Variants in RAB11FIP4 observed in about 807,000 individuals in gnomAD.
RAB11FIP4 encodes the protein RAB11 family interacting protein 4, also known as rab11 family-interacting protein 4.
In RAB11FIP4, 23 loss-of-function variants were observed where a neutral mutation model predicts 74.3. The observed-to-expected ratio is 0.31, with a 90% CI of 0.22 to 0.44. The LOEUF is 0.44. RAB11FIP4 is among the 20% of genes least tolerant of loss of function. The pLI is 1.00. For synonymous variants in RAB11FIP4, 360 were observed against 359.9 expected, an observed-to-expected ratio of 1.00 and a Z score of 0.00; for missense variants, 630 against 863.9, an observed-to-expected ratio of 0.73 and a Z score of 3.39.
At chr17:31,463,240 C>T (rs2142719179) in intron 3 of RAB11FIP4, among the ~76,000 whole-genome samples, 1 of 152,314 alleles carries the variant, frequency 6.6e-6, no homozygotes, top group South Asian at 2.1e-4. Context: ...CCAGCCCTGG[C>T]ACTTGGCAGC....
intron 3 of RAB11FIP4, among the ~76,000 whole-genome samples, chr17:31,506,980 A>G (rs555807132): frequency 1.9e-4 from 29 of 152,294 alleles, no homozygotes; most frequent in African/African-American, 6.7e-4. Flanking sequence ...TGATTGTTCT[A>G]TTAATACTTA....
chr17:31,501,013 C>T (rs934263356), intron 3 of RAB11FIP4, among the ~76,000 whole-genome samples: 12 of 137,610 alleles, frequency 8.7e-5, no homozygotes, highest in Admixed American at 2.1e-4. Flanking sequence ...CAGAGTGAGA[C>T]TCCATCTCAA....
At chr17:31,517,126 C>G (rs2072566146) in intron 3 of RAB11FIP4, among the ~76,000 whole-genome samples, 1 of 147,096 alleles carries the variant, frequency 6.8e-6, no homozygotes, top group Non-Finnish European at 1.5e-5. Context: ...AGGAGGGGAC[C>G]AATCAGAGAT....
chr17:31,422,917 C>CTTTTTTT (rs35668224), intron 1 of RAB11FIP4, among the ~76,000 whole-genome samples: 1 of 126,444 alleles, frequency 7.9e-6, no homozygotes, highest in Non-Finnish European at 1.7e-5. Flanking sequence ...TATTGATTGC[C>CTTTTTTT]TTTTTTTTTT....
Position 31,519,361 on chromosome 17 carries a change from A to G in RAB11FIP4, c.563+1484A>G, listed in dbSNP as rs149223552. ...CCATCTACTCTGCTATATTTTCTAT[A>G]TTGAGCATGTACTCCCATAATCAGA... is the stretch of plus-strand genomic sequence containing the variant. On this transcript the variant is annotated intron_variant, in intron 4 of 14. Transcript: ENST00000621161. Among the ~76,000 whole-genome samples the G allele has an allele frequency of 4.6e-5, 7 of 152,274 alleles. No individual in the cohort carries two copies. In the East Asian group the frequency reaches 1.4e-3, roughly 29 times the overall value.
chr17:31,475,798 G>GTT (rs1323409888), intron 3 of RAB11FIP4, among the ~76,000 whole-genome samples: 2,470 of 67,370 alleles, frequency 0.037, 60 homozygotes, highest in African/African-American at 0.14. Flanking sequence ...ATTTTTGTGT[G>GTT]GTTTTTTTTT....
chr17:31,452,614 C>T (rs1339347050), intron 3 of RAB11FIP4, among the ~76,000 whole-genome samples: 5 of 152,170 alleles, frequency 3.3e-5, no homozygotes, highest in Non-Finnish European at 5.9e-5. Flanking sequence ...GGTCCTGTGC[C>T]ATCTTTCCCC....
chr17:31,397,511 G>A (rs2070942177), intron 1 of RAB11FIP4, among the ~76,000 whole-genome samples: 2 of 152,234 alleles, frequency 1.3e-5, no homozygotes, highest in Admixed American at 1.3e-4. Context: ...ACCATGCAGA[G>A]TGACAAGGCT....
chr17:31,434,975 C>T (rs2071344596), intron 3 of RAB11FIP4, among the ~76,000 whole-genome samples: 1 of 152,010 alleles, frequency 6.6e-6, no homozygotes, highest in Non-Finnish European at 1.5e-5. Flanking sequence ...AGCTTGAGCC[C>T]AGGAGTTTGA....
Position 31,529,155 on chromosome 17 carries a change from T to C in RAB11FIP4, c.1653+377T>C, listed in dbSNP as rs147446088. 3.8e-4 allele frequency among the ~76,000 whole-genome samples: 57 copies of C among 151,656 alleles called. 1 individual carries two copies. Among genetic ancestry groups the C allele is most frequent in the African/African-American group, 1.1e-3 (44 of 41,288 alleles). On this transcript the variant is annotated intron_variant, in intron 13 of 14. Coordinates refer to ENST00000621161, the MANE Select transcript of RAB11FIP4 (RefSeq NM_032932.6). ...GCTCTGATACCCAGGCTGGAGTGCT[T>C]TGGCACTCCATAGCTCACTGCAGCC...
At chr17:31,495,958 T>G (rs757607581) in intron 3 of RAB11FIP4, among the ~76,000 whole-genome samples, 2 of 152,206 alleles carry the variant, frequency 1.3e-5, no homozygotes, top group Non-Finnish European at 2.9e-5. Context: ...TTCCTTTCCT[T>G]TTTTTCCATT....
chr17:31,522,291 C>G (rs2072682424), intron 6 of RAB11FIP4, 69 bp from the exon 7 acceptor site: 1 of 1,518,330 alleles, frequency 6.6e-7, no homozygotes, highest in Non-Finnish European at 9.1e-7. Context: ...TGGTGTCTTA[C>G]AGCTAGGACA....
chr17:31,459,746 T>A (rs1433751794), intron 3 of RAB11FIP4, among the ~76,000 whole-genome samples: 1 of 106,850 alleles, frequency 9.4e-6, no homozygotes, highest in Non-Finnish European at 2.0e-5. Flanking sequence ...TTCCAGCCCC[T>A]CCCCCCACCC....
intron 1 of RAB11FIP4, among the ~76,000 whole-genome samples, chr17:31,397,702 C>T (rs1468640410): frequency 6.6e-6 from 1 of 152,042 alleles, no homozygotes; most frequent in African/African-American, 2.4e-5. Context: ...GCTGGGGATC[C>T]CTTGGGGCCT....
chr17:31,393,329 C>G (rs902939481), intron 1 of RAB11FIP4, among the ~76,000 whole-genome samples: 1 of 152,220 alleles, frequency 6.6e-6, no homozygotes, highest in Non-Finnish European at 1.5e-5. Flanking sequence ...CCAGTGGCTC[C>G]CATCTGGGGC....
At chr17:31,429,728 C>T (rs1182477412) in intron 1 of RAB11FIP4, among the ~76,000 whole-genome samples, 1 of 149,404 alleles carries the variant, frequency 6.7e-6, no homozygotes, top group Non-Finnish European at 1.5e-5. Flanking sequence ...TCAGGAGAGG[C>T]TGAGGCAGGA....
chr17:31,410,802 A>G (rs1211904739), intron 1 of RAB11FIP4, among the ~76,000 whole-genome samples: 1 of 152,142 alleles, frequency 6.6e-6, no homozygotes, highest in African/African-American at 2.4e-5. Flanking sequence ...CTCCAAGACC[A>G]GGGCCCTGGT....
At chr17:31,479,317 A>C (rs1400762985) in intron 3 of RAB11FIP4, among the ~76,000 whole-genome samples, 8 of 152,214 alleles carry the variant, frequency 5.3e-5, no homozygotes, top group African/African-American at 1.7e-4. Context: ...TGACTTGAGA[A>C]GGTCTCTCAC....
intron 3 of RAB11FIP4, among the ~76,000 whole-genome samples, chr17:31,505,027 T>G (rs2072290681): frequency 6.6e-6 from 1 of 152,198 alleles, no homozygotes; most frequent in Non-Finnish European, 1.5e-5. Flanking sequence ...AGGCTTGATT[T>G]GAATTGAGTT....
Sources: gnomAD v4.1 joint callset for allele counts (sites outside exome capture counted in the v4.1 genomes callset) on GRCh38, gnomAD v4.1.1 for gene constraint, MANE v1.5 for transcripts, NCBI Gene and HGNC (gene_info 2026-07-23, HGNC 2026-07-21) for gene names.